The following SIGLEC1 variants were observed in gnomAD, a reference collection of about 807,000 sequenced individuals.
SIGLEC1 encodes sialoadhesin.
In SIGLEC1, 132 loss-of-function variants were observed where a neutral mutation model predicts 148.0. The observed-to-expected ratio is 0.89, with a 90% CI of 0.77 to 1.03. The LOEUF (loss-of-function observed/expected upper bound fraction) is 1.03, where lower values mean the gene tolerates loss of function less well. Among genes scored for constraint, SIGLEC1 ranks in the 50% least tolerant of loss-of-function variants. The probability of loss-of-function intolerance (pLI) is 0.00; values close to 1 mark genes in which losing one functional copy is unlikely to be tolerated. For synonymous variants in SIGLEC1, 945 were observed against 969.0 expected (o/e 0.98, Z 0.46); for missense variants, 2,253 against 2,271.4 (o/e 0.99, Z 0.16).
chr20:3,706,405 G>A lies in SIGLEC1; in HGVS notation c.351C>T (p.Phe117=), dbSNP rs754361312. Residue 117 remains phenylalanine (F), a synonymous_variant, in exon 3 of 22, where the codon TTC becomes TTT. Coordinates refer to ENST00000344754, the MANE Select transcript of SIGLEC1 (RefSeq NM_023068.4). ...PEDSGSYNFR[F]EISEVNRWSD... is the part of the protein sequence containing the mutation. ...ACCAGCGGTTGACCTCACTGATCTC[G>A]AAGCGGAAGTTGTAGGAACCAGAGT... 4.5e-5 allele frequency: 73 copies of A among 1,613,992 alleles called. No homozygotes were observed. Among genetic ancestry groups the A allele is most frequent in the African/African-American group, 9.3e-5 (7 of 74,952 alleles).
At chr20:3,703,520 C>G in intron 5 of SIGLEC1, 69 bp from the exon 6 acceptor site, 2 of 1,514,870 alleles carry the variant, frequency 1.3e-6, no homozygotes, top group Non-Finnish European at 1.8e-6. Context: ...ATACAGTCCC[C>G]GGGTCTCAGC....
chr20:3,691,812 G>C (rs2088766627), intron 17 of SIGLEC1, 91 bp downstream of exon 17: 1 of 1,451,284 alleles, frequency 6.9e-7, no homozygotes, highest in Non-Finnish European at 9.3e-7. Context: ...TCTCAGACCA[G>C]ACAGCCCGCT....
intron 18 of SIGLEC1, among the ~76,000 whole-genome samples, chr20:3,690,833 T>C (rs1294931943): frequency 2.0e-5 from 2 of 102,400 alleles, no homozygotes; most frequent in East Asian, 2.7e-4. Flanking sequence ...TCTTTTCTTT[T>C]TTTTTTTTTT....
intron 9 of SIGLEC1, 57 bp downstream of exon 9, chr20:3,697,741 G>T (rs1046405256): frequency 6.5e-7 from 1 of 1,530,624 alleles, no homozygotes. Flanking sequence ...CCTCGGAGCA[G>T]AACAGTCCAG....
At chr20:3,690,355 C>T in intron 18 of SIGLEC1, 91 bp from the exon 19 acceptor site, 1 of 1,043,272 alleles carries the variant, frequency 9.6e-7, no homozygotes, top group Non-Finnish European at 1.4e-6. Flanking sequence ...GCTGCTCCTC[C>T]CATTAAGAGG....
chr20:3,701,993 G>A (rs920340403), intron 6 of SIGLEC1, among the ~76,000 whole-genome samples: 1 of 152,104 alleles, frequency 6.6e-6, no homozygotes, highest in Non-Finnish European at 1.5e-5. Context: ...CTCCTGACAG[G>A]GCAGAGCAGC....
rs187760914 is a variant in SIGLEC1, at chr20:3,693,643, G to T, written c.3312C>A (p.Asn1104Lys). The change falls in exon 14 of 22, where the codon AAC (asparagine) becomes AAA (lysine). Residue 1104 changes from asparagine (N) to lysine (K), a missense_variant. By Grantham distance (94) the Asn-to-Lys change is moderately conservative. Transcript: ENST00000344754. The stretch of plus-strand genomic sequence containing the variant: ...GAGTGGTCCACACAAGGCAGGTCAG[G>T]TTCACCAGCTGCCCCTCCCGCACGG... The part of the protein sequence containing the change: ...GATVREGQLV[N>K]LTCLVWTTHP... The T allele has an allele frequency of 2.5e-6, 4 of 1,610,764 alleles. No homozygotes were observed. In the Admixed American group the frequency reaches 6.7e-5, roughly 27 times the overall value.
At chr20:3,701,747 T>C (rs617118) in intron 6 of SIGLEC1, 106 bp from the exon 7 acceptor site, 766,689 of 1,120,938 alleles carry the variant, frequency 0.68, 264,440 homozygotes, top group East Asian at 0.82. Context: ...CACTGCCCTG[T>C]GAGAAGGGGG....
chr20:3,689,887 G>A (rs2088738172), intron 19 of SIGLEC1, 75 bp downstream of exon 19: 1 of 1,333,716 alleles, frequency 7.5e-7, no homozygotes, highest in Non-Finnish European at 1.1e-6. Context: ...GAGGGATACA[G>A]GGAAGGAAGC....
In SIGLEC1 at chr20:3,697,998, C is replaced by A. The variant is rs373116783; in HGVS notation, c.1922G>T (p.Arg641Leu). 6.2e-7 allele frequency: 1 copy of A among 1,611,072 alleles called. No individual in the cohort carries two copies. Among genetic ancestry groups the A allele is most frequent in the African/African-American group, 1.3e-5 (1 of 74,862 alleles). ...PARLQLLHKD[R>L]VVATSLPSGG... The stretch of plus-strand genomic sequence containing the variant: ...TGATGGCAGGGAAGTGGCCACAACA[C>A]GGTCCTTGTGGAGCAGCTGCAGCCT... The change falls in exon 9 of 22, where the codon CGT becomes CTT. Residue 641 changes from arginine to leucine, a missense_variant. Transcript: ENST00000344754.
chr20:3,700,192 G>C (rs151332031), intron 7 of SIGLEC1, among the ~76,000 whole-genome samples: 1 of 119,722 alleles, frequency 8.4e-6, no homozygotes, highest in Non-Finnish European at 1.6e-5. Context: ...ATCTCAGCTC[G>C]CTACAACCTC....
At chr20:3,696,941 C>T in intron 10 of SIGLEC1, 53 bp from the exon 11 acceptor site, 1 of 1,536,788 alleles carries the variant, frequency 6.5e-7, no homozygotes, top group Non-Finnish European at 8.7e-7. Flanking sequence ...CACATTACAA[C>T]TGCCACACTA....
rs114176715 is a variant in SIGLEC1, at chr20:3,712,532, C to T, written c.-172G>A. On this transcript the variant is annotated 5_prime_UTR_variant, in exon 1 of 22. Coordinates refer to ENST00000344754, the MANE Select transcript of SIGLEC1 (RefSeq NM_023068.4). ...CCTGCGGAGAGGAGAACAGGAAGGA[C>T]GGCCAAGAGCTCCTGGTGCAGCTGG... is the stretch of plus-strand genomic sequence containing the variant. 5.0e-3 allele frequency among the ~76,000 whole-genome samples: 756 copies of T among 152,212 alleles called. 2 individuals carry two copies. Among genetic ancestry groups the T allele is most frequent in the African/African-American group, 0.017 (718 of 41,504 alleles).
In SIGLEC1 at chr20:3,707,175, T is replaced by C. The variant is rs2087903387; in HGVS notation, c.-47A>G. The C allele has an allele frequency of 1.3e-6, 2 of 1,584,904 alleles. No individual in the cohort carries two copies. The highest frequency in any genetic ancestry group is 1.7e-4 in the Middle Eastern group (1 of 5,948). On this transcript the variant is annotated 5_prime_UTR_variant, in exon 2 of 22. Coordinates refer to ENST00000344754, the MANE Select transcript of SIGLEC1 (RefSeq NM_023068.4). ...TGTTGCCTAAGAGGGTGGTGCGCAC[T>C]GCGCTGGCTGGGCTCACAGGGGCCT...
Position 3,692,745 on chromosome 20 carries a change from G to T in SIGLEC1, c.3806C>A (p.Ala1269Asp). The change falls in exon 16 of 22, where the codon GCT becomes GAT. Residue 1269 changes from alanine to aspartate, a missense_variant. Transcript: ENST00000344754. ...GATGGGGGCACCTTCAGGCACGGCA[G>T]CCTCCGGAGCCAGGATCACCCGCAC... ...EGVRVILAPE[A>D]AVPEGAPITV... 1 of 1,611,422 alleles carries T rather than the reference G, an allele frequency of 6.2e-7. No individual in the cohort carries two copies.
chr20:3,693,155 CG>C, intron 14 of SIGLEC1, 24 bp from the exon 15 acceptor site: 1 of 1,517,616 alleles, frequency 6.6e-7, no homozygotes, highest in Non-Finnish European at 8.8e-7. Flanking sequence ...GAGGCTTACA[CG>C]GAGTCACAGG....
intron 20 of SIGLEC1, 131 bp from the exon 21 acceptor site, chr20:3,689,358 C>CT: frequency 1.2e-6 from 1 of 820,424 alleles, no homozygotes; most frequent in Non-Finnish European, 2.1e-6. Flanking sequence ...GGTGCTTCCT[C>CT]TGTCTTCCTC....
Position 3,697,348 on chromosome 20 carries a change from G to A in SIGLEC1, c.2123-6C>T, listed in dbSNP as rs750561831. 1.2e-6 allele frequency: 2 copies of A among 1,613,002 alleles called. No homozygotes were observed. The highest frequency in any genetic ancestry group is 2.2e-5 in the South Asian group (2 of 91,082). ...TGCAATGGCCAGGACAGTGGCTGGAGAGCAGGCGGCACAGCTTACTGACCA... is the reference window on the plus strand; with the variant it reads ...TGCAATGGCCAGGACAGTGGCTGGAAAGCAGGCGGCACAGCTTACTGACCA... On this transcript the variant is annotated splice_polypyrimidine_tract_variant and splice_region_variant and intron_variant, in intron 9 of 21. Coordinates refer to ENST00000344754, the MANE Select transcript of SIGLEC1 (RefSeq NM_023068.4).
chr20:3,705,158 G>A (rs544247637), intron 4 of SIGLEC1, among the ~76,000 whole-genome samples: 4 of 152,156 alleles, frequency 2.6e-5, no homozygotes, highest in South Asian at 4.2e-4. Flanking sequence ...CACCACACCC[G>A]GCTAATTTTT....
Sources: allele counts gnomAD v4.1 joint callset (sites outside exome capture counted in the v4.1 genomes callset), GRCh38; gene constraint gnomAD v4.1.1; transcripts MANE v1.5; gene names NCBI Gene and HGNC (gene_info 2026-07-23, HGNC 2026-07-21).